The following PSG5 variants were observed in gnomAD, a reference collection of about 807,000 sequenced individuals.
PSG5 encodes the protein pregnancy-specific beta-1-glycoprotein 5.
In PSG5, 53 loss-of-function variants were observed where a neutral mutation model predicts 37.7. The ratio of observed to expected loss-of-function variants is 1.41; its 90% CI spans 1.13 to 1.77. The LOEUF is 1.77. Among genes scored for constraint, PSG5 ranks in the 40% most tolerant of loss-of-function variants. The probability of loss-of-function intolerance (pLI) is 0.00; values close to 1 mark genes in which losing one functional copy is unlikely to be tolerated. For synonymous variants in PSG5, 221 were observed against 155.4 expected (o/e 1.42, Z -3.14); for missense variants, 547 against 405.2 (o/e 1.35, Z -3.00).
rs1969010620 is a variant in PSG5 at position 43,176,299 on chromosome 19, G to C, written c.431-151C>G. ...TGCATGTGTCACAAGATAGATGCAT[G>C]ATGATCTAAGGGCTCAAAGACTGTG... On this transcript the variant is annotated intron_variant, in intron 2 of 5. Coordinates refer to ENST00000342951, the MANE Select transcript of PSG5 (RefSeq NM_002781.4). 4.3e-6 allele frequency: 6 copies of C among 1,394,598 alleles called. No individual in the cohort carries two copies. The Admixed American group carries it at 1.3e-4, about 29-fold the overall frequency. 86.4% of individuals were successfully genotyped at this position (1,394,598 alleles called of 1,614,324 possible). A position where few individuals can be genotyped will look rare whatever the true frequency, so the allele number is the denominator to read the frequency against.
At chr19:43,186,069 C>G (rs1341989508) in intron 1 of PSG5, among the ~76,000 whole-genome samples, 2 of 151,136 alleles carry the variant, frequency 1.3e-5, no homozygotes, top group Non-Finnish European at 3.0e-5. Flanking sequence ...TTCTGCCTCC[C>G]GGGTTCATGT....
chr19:43,178,997 T>A lies in PSG5; in HGVS notation c.431-2849A>T, dbSNP rs200650988. ...CAAATATAAAGAGGGTCCTGTTGGT[T>A]TTGGACAGCTGCAACCTGTGAGTCA... On this transcript the variant is annotated intron_variant, in intron 2 of 5. Transcript: ENST00000342951. 4.5e-5 allele frequency: 72 copies of A among 1,612,526 alleles called. 4 individuals carry two copies. Among genetic ancestry groups the A allele is most frequent in the Admixed American group, 3.3e-5 (2 of 59,890 alleles).
At chr19:43,185,604 T>G (rs1966919394) in intron 1 of PSG5, among the ~76,000 whole-genome samples, 1 of 151,438 alleles carries the variant, frequency 6.6e-6, no homozygotes, top group East Asian at 1.9e-4. Context: ...TTTGCATGTC[T>G]GTCTTCCTCC....
chr19:43,179,577 C>T (rs571981954), intron 2 of PSG5, among the ~76,000 whole-genome samples: 1 of 151,866 alleles, frequency 6.6e-6, no homozygotes, highest in South Asian at 2.1e-4. Flanking sequence ...CTTCCCTTGC[C>T]AAGGACATCC....
At chr19:43,174,685 C>A in intron 4 of PSG5, 1 of 984,286 alleles carries the variant, frequency 1.0e-6, no homozygotes, top group Middle Eastern at 4.8e-4. Flanking sequence ...ACATGCTGGT[C>A]CCACCCCAGG....
rs533539802 is a variant in PSG5, at chr19:43,185,624, C to T, written c.65-477G>A. On this transcript the variant is annotated intron_variant, in intron 1 of 5. Transcript: ENST00000342951. ...ATGTCTGTCTTCCTCCCCATGACAG[C>T]GTGAGCTCTGTGAGGACAGGGACTT... is the stretch of plus-strand genomic sequence containing the variant. 5.3e-5 allele frequency among the ~76,000 whole-genome samples: 8 copies of T among 151,598 alleles called. 1 individual carries two copies. The highest frequency in any genetic ancestry group is 2.6e-4 in the Admixed American group (4 of 15,180).
chr19:43,171,768 G>A (rs546663495), intron 4 of PSG5, among the ~76,000 whole-genome samples: 2 of 151,450 alleles, frequency 1.3e-5, no homozygotes, highest in East Asian at 3.9e-4. Context: ...CAGGTGTTTG[G>A]ACCAGCATGG....
intron 2 of PSG5, chr19:43,178,817 G>T: frequency 1.2e-6 from 2 of 1,611,382 alleles, no homozygotes; most frequent in Non-Finnish European, 1.7e-6. Context: ...TGAGAGGCCT[G>T]GCCTCTGGCC....
At chr19:43,180,112 C>G (rs970423518) in intron 2 of PSG5, among the ~76,000 whole-genome samples, 3 of 151,650 alleles carry the variant, frequency 2.0e-5, no homozygotes, top group Non-Finnish European at 1.5e-5. Flanking sequence ...ATTCTACTCT[C>G]TGATTCTGAG....
In PSG5 at chr19:43,174,476, A is replaced by G. The variant is rs577033051; in HGVS notation, c.964+739T>C. 407 of 763,854 alleles carry G rather than the reference A, an allele frequency of 5.3e-4. 10 individuals carry two copies. In the African/African-American group the frequency reaches 7.4e-3, roughly 14 times the overall value. 47.3% of individuals were successfully genotyped at this position (763,854 alleles called of 1,614,324 possible). On this transcript the variant is annotated intron_variant, in intron 4 of 5. Coordinates refer to ENST00000342951, the MANE Select transcript of PSG5 (RefSeq NM_002781.4). ...TTTCTCCAGCTCTGCATCAGTCACT[A>G]TCCTCCGTGCTGTGTCCCACATGCT... is the stretch of plus-strand genomic sequence containing the variant.
At chr19:43,183,463 G>C (rs377060670) in intron 2 of PSG5, 1 of 529,630 alleles carries the variant, frequency 1.9e-6, no homozygotes, top group Non-Finnish European at 3.9e-6. Flanking sequence ...GCCTGTGCTG[G>C]AGCAGGGTCT....
At chr19:43,173,125 C>T (rs1167733560) in intron 4 of PSG5, among the ~76,000 whole-genome samples, 3 of 151,594 alleles carry the variant, frequency 2.0e-5, no homozygotes, top group Non-Finnish European at 4.4e-5. Context: ...CAATGGGGAA[C>T]GGACAGTGTT....
At chr19:43,170,165 G>A (rs771029351) in intron 4 of PSG5, 27 bp from the exon 5 acceptor site, 15 of 1,549,536 alleles carry the variant, frequency 9.7e-6, no homozygotes, top group Admixed American at 5.1e-5. Context: ...AGTAAAGAAG[G>A]AATGAAGGTG....
At chr19:43,186,031 C>G (rs1258423409) in intron 1 of PSG5, among the ~76,000 whole-genome samples, 1 of 150,948 alleles carries the variant, frequency 6.6e-6, no homozygotes, top group Non-Finnish European at 1.5e-5. Flanking sequence ...GGCTGGCGTG[C>G]AGTGGTGCTA....
At chr19:43,186,205 T>G (rs745335006) in intron 1 of PSG5, 137 bp downstream of exon 1, 11 of 1,453,932 alleles carry the variant, frequency 7.6e-6, no homozygotes, top group Admixed American at 5.8e-5. Flanking sequence ...CTTGAACTCC[T>G]GATCTCATAA....
chr19:43,177,108 A>T (rs1461545420), intron 2 of PSG5, among the ~76,000 whole-genome samples: 1 of 151,618 alleles, frequency 6.6e-6, no homozygotes, highest in African/African-American at 2.4e-5. Context: ...CTACTCTCTG[A>T]TTCCATGGAT....
intron 2 of PSG5, 66 bp downstream of exon 2, chr19:43,184,716 C>T (rs1474043912): frequency 6.2e-7 from 1 of 1,604,960 alleles, no homozygotes. Context: ...GCCTGACAAT[C>T]CTGTGTGTGT....
chr19:43,182,896 C>CCTGGCA (rs1969160234), intron 2 of PSG5, among the ~76,000 whole-genome samples: 1 of 147,652 alleles, frequency 6.8e-6, no homozygotes, highest in African/African-American at 2.5e-5. Flanking sequence ...CGAGATGAAG[C>CCTGGCA]CTGGCAGGAG....
intron 2 of PSG5, among the ~76,000 whole-genome samples, chr19:43,184,456 A>G (rs1022237730): frequency 6.6e-6 from 1 of 151,552 alleles, no homozygotes; most frequent in African/African-American, 2.4e-5. Context: ...CCAAAGCCCT[A>G]CTCAGTTCTC....
Sources: allele counts gnomAD v4.1 joint callset (sites outside exome capture counted in the v4.1 genomes callset), GRCh38; gene constraint gnomAD v4.1.1; transcripts MANE v1.5; gene names NCBI Gene and HGNC (gene_info 2026-07-23, HGNC 2026-07-21).